DPP10: variants seen among roughly 807,000 people sequenced by gnomAD.
DPP10 encodes the protein inactive dipeptidyl peptidase 10.
Under a neutral mutation model 120.9 loss-of-function variants are expected in DPP10, and 33 were observed. The ratio of observed to expected loss-of-function variants is 0.27; its 90% CI spans 0.21 to 0.37. The LOEUF is 0.37. Ranked by LOEUF, DPP10 falls within the 10% of genes least tolerant of loss-of-function variation. The probability of loss-of-function intolerance (pLI) is 1.00; values close to 1 mark genes in which losing one functional copy is unlikely to be tolerated. For missense variants in DPP10, 816 were observed against 942.8 expected (o/e 0.87, Z 1.76); for synonymous variants, 337 against 326.1 (o/e 1.03, Z -0.36).
At chr2:115,006,891 C>A (rs1701888546) in intron 1 of DPP10, among the ~76,000 whole-genome samples, 1 of 151,950 alleles carries the variant, frequency 6.6e-6, no homozygotes, top group Non-Finnish European at 1.5e-5. Flanking sequence ...ACAGAACTCT[C>A]CACCCCAAAT....
Position 114,847,053 on chromosome 2 carries a change from CTATCA to C in DPP10, c.60+404240_60+404244del, listed in dbSNP as rs143276942. Reference sequence around the variant, plus strand: ...TCTAGATTCTTCTGAGGCAGTGGTGCTATCATATCATATCATATCATATCATATCC... The same window carrying C: ...TCTAGATTCTTCTGAGGCAGTGGTGCTATCATATCATATCATATCATATCC... On this transcript the variant is annotated intron_variant, in intron 1 of 25. Transcript: ENST00000410059. 3.1e-3 allele frequency among the ~76,000 whole-genome samples: 474 copies of C among 152,046 alleles called. 3 individuals carry two copies. Among genetic ancestry groups the C allele is most frequent in the African/African-American group, 0.011 (450 of 41,424 alleles).
chr2:115,761,954 G>C (rs1276752480), intron 11 of DPP10, among the ~76,000 whole-genome samples: 1 of 151,982 alleles, frequency 6.6e-6, no homozygotes, highest in Non-Finnish European at 1.5e-5. Flanking sequence ...ATTAAAGCTT[G>C]TTTTTTCTAC....
At chr2:115,017,555 T>A (rs1193366260) in intron 1 of DPP10, among the ~76,000 whole-genome samples, 1 of 152,168 alleles carries the variant, frequency 6.6e-6, no homozygotes, top group Non-Finnish European at 1.5e-5. Flanking sequence ...CATGCATGCA[T>A]ATGTTTATTG....
intron 5 of DPP10, among the ~76,000 whole-genome samples, chr2:115,627,916 A>C (rs2085495248): frequency 6.6e-6 from 1 of 152,156 alleles, no homozygotes; most frequent in South Asian, 2.1e-4. Context: ...CCAGTCTATT[A>C]TTGATGGGCA....
intron 4 of DPP10, among the ~76,000 whole-genome samples, chr2:115,516,813 A>T (rs2077528941): frequency 6.6e-6 from 1 of 152,134 alleles, no homozygotes. Context: ...AAATCAATTG[A>T]AAATGAACAA....
intron 5 of DPP10, among the ~76,000 whole-genome samples, chr2:115,662,063 T>C (rs1345434227): frequency 6.6e-6 from 1 of 152,190 alleles, no homozygotes; most frequent in Non-Finnish European, 1.5e-5. Context: ...TTCTACTTTC[T>C]GCTTCTATAT....
intron 7 of DPP10, among the ~76,000 whole-genome samples, chr2:115,719,443 G>C (rs2092588088): frequency 6.6e-6 from 1 of 152,132 alleles, no homozygotes; most frequent in Non-Finnish European, 1.5e-5. Context: ...TGACATGAGT[G>C]ATTTGAATGA....
chr2:115,023,130 A>C (rs1703197130), intron 1 of DPP10, among the ~76,000 whole-genome samples: 1 of 152,200 alleles, frequency 6.6e-6, no homozygotes, highest in African/African-American at 2.4e-5. Context: ...CAAATACAAC[A>C]AAAACAAAGA....
chr2:115,329,144 C>T (rs1279551675), intron 2 of DPP10, among the ~76,000 whole-genome samples: 1 of 151,998 alleles, frequency 6.6e-6, no homozygotes, highest in East Asian at 1.9e-4. Flanking sequence ...TGTGAGAAAA[C>T]AGAAAGAAGC....
At chr2:115,685,403 A>G (rs537906227) in intron 5 of DPP10, among the ~76,000 whole-genome samples, 14 of 152,086 alleles carry the variant, frequency 9.2e-5, no homozygotes, top group African/African-American at 3.4e-4. Context: ...TGCAGTCCTA[A>G]TTGAACCATG....
intron 5 of DPP10, among the ~76,000 whole-genome samples, chr2:115,619,850 G>T (rs937085772): frequency 1.3e-5 from 2 of 152,194 alleles, no homozygotes; most frequent in African/African-American, 4.8e-5. Flanking sequence ...GCACCTGAGA[G>T]TTGCTTATTT....
intron 1 of DPP10, among the ~76,000 whole-genome samples, chr2:115,219,073 C>G (rs141094224): frequency 5.7e-4 from 86 of 152,056 alleles, no homozygotes; most frequent in African/African-American, 2.0e-3. Context: ...CTATGGTTAT[C>G]CTTATTTTAT....
chr2:115,388,810 G>T (rs2067131433), intron 3 of DPP10, among the ~76,000 whole-genome samples: 1 of 152,142 alleles, frequency 6.6e-6, no homozygotes, highest in African/African-American at 2.4e-5. Context: ...ATTCCACAAA[G>T]AATTTCCAAT....
At chr2:114,482,535 A>T (rs1357545761) in intron 1 of DPP10, among the ~76,000 whole-genome samples, 1 of 152,132 alleles carries the variant, frequency 6.6e-6, no homozygotes, top group East Asian at 1.9e-4. Context: ...GGTGGTTCTG[A>T]TCTGGACCAA....
chr2:115,162,061 G>A, intron 1 of DPP10: 9 of 1,447,966 alleles, frequency 6.2e-6, no homozygotes, highest in Non-Finnish European at 8.2e-6. Context: ...AGGCCCTCCC[G>A]GGAGGGGTGG....
intron 1 of DPP10, among the ~76,000 whole-genome samples, chr2:115,209,332 T>C (rs530473544): frequency 1.3e-5 from 2 of 152,260 alleles, no homozygotes; most frequent in African/African-American, 4.8e-5. Context: ...CTTATTTTCT[T>C]TACTCTTTCA....
At chr2:115,534,525 G>A (rs1170176757) in intron 5 of DPP10, among the ~76,000 whole-genome samples, 1 of 151,856 alleles carries the variant, frequency 6.6e-6, no homozygotes, top group Non-Finnish European at 1.5e-5. Context: ...GGACATTTGG[G>A]TTGGTTCCAA....
At chr2:114,885,637 C>G (rs562792885) in intron 1 of DPP10, among the ~76,000 whole-genome samples, 99 of 152,156 alleles carry the variant, frequency 6.5e-4, no homozygotes, top group African/African-American at 2.4e-3. Context: ...GTTCTTTTTT[C>G]GTTGTTCATA....
chr2:115,169,437 A>G (rs2053144920), intron 1 of DPP10, among the ~76,000 whole-genome samples: 1 of 149,522 alleles, frequency 6.7e-6, no homozygotes, highest in African/African-American at 2.6e-5. Context: ...TATACACACT[A>G]TACACACACA....
Sources: gnomAD v4.1 joint callset for allele counts (sites outside exome capture counted in the v4.1 genomes callset) on GRCh38, gnomAD v4.1.1 for gene constraint, MANE v1.5 for transcripts, NCBI Gene and HGNC (gene_info 2026-07-23, HGNC 2026-07-21) for gene names.